The following EPB41L2 variants were observed in gnomAD, a reference collection of about 807,000 sequenced individuals.
EPB41L2 encodes the protein erythrocyte membrane protein band 4.1 like 2.
In EPB41L2, 43 loss-of-function variants were observed where a neutral mutation model predicts 113.0. The ratio of observed to expected loss-of-function variants is 0.38; its 90% confidence interval spans 0.30 to 0.49. EPB41L2 has a LOEUF of 0.49. EPB41L2 is among the 20% of genes least tolerant of loss of function. The pLI, the probability that EPB41L2 is intolerant of heterozygous loss-of-function variation, is 0.95. For missense variants in EPB41L2, 1,147 were observed against 1,223.4 expected, an observed-to-expected ratio of 0.94 and a Z score of 0.93; for synonymous variants, 442 against 436.7, an observed-to-expected ratio of 1.01 and a Z score of -0.15.
At chr6:130,962,001 T>C (rs1248015865) in intron 1 of EPB41L2, among the ~76,000 whole-genome samples, 2 of 152,194 alleles carry the variant, frequency 1.3e-5, no homozygotes, top group East Asian at 3.8e-4. Context: ...CGGATAAAAC[T>C]AGTTTTCATC....
chr6:130,975,629 T>G (rs1472055767), intron 1 of EPB41L2, among the ~76,000 whole-genome samples: 3 of 152,206 alleles, frequency 2.0e-5, no homozygotes, highest in Non-Finnish European at 4.4e-5. Flanking sequence ...AGCCCCCATC[T>G]GTAAAGTGAT....
chr6:130,865,506 C>T, intron 17 of EPB41L2, 30 bp downstream of exon 17: 1 of 1,594,918 alleles, frequency 6.3e-7, no homozygotes, highest in Non-Finnish European at 8.6e-7. Flanking sequence ...ATGTACCATC[C>T]TCTCCATATG....
Position 130,926,496 on chromosome 6 carries a change from TA to T in EPB41L2, c.810+108del, listed in dbSNP as rs1804784932. 6.2e-6 allele frequency: 5 copies of T among 800,910 alleles called. No individual in the cohort carries two copies. In the African/African-American group the frequency reaches 7.1e-5, roughly 11 times the overall value. The allele number at this position is 800,910 out of a possible 1,614,324, so 49.6% of individuals were successfully genotyped here. A position where few individuals can be genotyped will look rare whatever the true frequency, so the allele number is the denominator to read the frequency against. On this transcript the variant is annotated intron_variant, in intron 4 of 19. Coordinates refer to ENST00000337057, the MANE Select transcript of EPB41L2 (RefSeq NM_001431.4). ...TTTACCAAATTTCACAGTGAAGTCATAATAAACACCTAAGTTATTTTAAAGC... is the reference window on the plus strand; with the variant it reads ...TTTACCAAATTTCACAGTGAAGTCATATAAACACCTAAGTTATTTTAAAGC...
intron 1 of EPB41L2, among the ~76,000 whole-genome samples, chr6:131,027,168 TA>T (rs1791057004): frequency 1.3e-5 from 2 of 152,232 alleles, no homozygotes; most frequent in Admixed American, 6.5e-5. Flanking sequence ...GATAACTAAA[TA>T]TTTAAAAAGT....
chr6:130,946,078 A>G (rs1812704186), intron 3 of EPB41L2, among the ~76,000 whole-genome samples: 2 of 152,192 alleles, frequency 1.3e-5, no homozygotes, highest in Admixed American at 6.5e-5. Context: ...AAAATCTTCA[A>G]AGTTTTTTCG....
rs375328243 is a variant in EPB41L2 at position 130,899,475 on chromosome 6, G to C, written c.1236+16C>G. 4.2e-5 allele frequency: 68 copies of C among 1,606,390 alleles called. No individual in the cohort carries two copies. The highest frequency in any genetic ancestry group is 5.3e-5 in the Non-Finnish European group (62 of 1,173,372). On this transcript the variant is annotated intron_variant, in intron 8 of 19. Transcript: ENST00000337057. ...ACAGACTACTATGATGCTACTCCCCGTTACATTTACAGTACCTTGGCATGA... is the reference window on the plus strand; with the variant it reads ...ACAGACTACTATGATGCTACTCCCCCTTACATTTACAGTACCTTGGCATGA...
At chr6:130,846,873 G>A (rs1412110949) in intron 19 of EPB41L2, among the ~76,000 whole-genome samples, 9 of 152,166 alleles carry the variant, frequency 5.9e-5, no homozygotes, top group African/African-American at 1.9e-4. Context: ...ATGTTCCTAT[G>A]ATATTTTACT....
intron 14 of EPB41L2, among the ~76,000 whole-genome samples, chr6:130,873,632 A>G (rs1456603748): frequency 6.6e-6 from 1 of 152,074 alleles, no homozygotes; most frequent in Non-Finnish European, 1.5e-5. Flanking sequence ...TGCCCAGCTA[A>G]TTTTTATATT....
At chr6:130,888,278 C>T (rs1583098086) in intron 11 of EPB41L2, among the ~76,000 whole-genome samples, 1 of 152,248 alleles carries the variant, frequency 6.6e-6, no homozygotes, top group East Asian at 1.9e-4. Context: ...CGTTAAAAGC[C>T]TCCTATTTTT....
At chr6:130,940,044 T>C (rs1043570763) in intron 3 of EPB41L2, among the ~76,000 whole-genome samples, 1 of 152,136 alleles carries the variant, frequency 6.6e-6, no homozygotes, top group Admixed American at 6.5e-5. Flanking sequence ...AAAGCAAAAT[T>C]AGGATAAGCA....
chr6:130,910,053 A>C (rs1264986229), intron 4 of EPB41L2, among the ~76,000 whole-genome samples: 3 of 152,232 alleles, frequency 2.0e-5, no homozygotes, highest in Non-Finnish European at 2.9e-5. Flanking sequence ...GGAACCAAAA[A>C]GGAGCCCATA....
At chr6:130,937,619 G>A (rs929178944) in intron 3 of EPB41L2, among the ~76,000 whole-genome samples, 1 of 152,192 alleles carries the variant, frequency 6.6e-6, no homozygotes, top group Non-Finnish European at 1.5e-5. Flanking sequence ...AGGAGTTCAA[G>A]ACCAGCCTGG....
intron 1 of EPB41L2, among the ~76,000 whole-genome samples, chr6:131,017,174 T>C (rs1788430453): frequency 6.6e-6 from 1 of 152,228 alleles, no homozygotes; most frequent in Non-Finnish European, 1.5e-5. Context: ...ATAAAGTTAT[T>C]AGAATACTTA....
At chr6:130,862,310 G>A (rs1204417317) in intron 18 of EPB41L2, among the ~76,000 whole-genome samples, 2 of 152,082 alleles carry the variant, frequency 1.3e-5, no homozygotes, top group East Asian at 1.9e-4. Context: ...GAGGGGGGTG[G>A]AAGAAACAAT....
intron 3 of EPB41L2, among the ~76,000 whole-genome samples, chr6:130,935,993 T>G (rs1404575421): frequency 1.3e-5 from 2 of 152,204 alleles, no homozygotes; most frequent in African/African-American, 4.8e-5. Context: ...AAAACCATAT[T>G]TGATGACATG....
At chr6:130,951,401 T>G (rs1815028226) in intron 3 of EPB41L2, among the ~76,000 whole-genome samples, 1 of 136,722 alleles carries the variant, frequency 7.3e-6, no homozygotes, top group Non-Finnish European at 1.5e-5. Flanking sequence ...CTTGGCTCAC[T>G]GCAACCTCTG....
At chr6:130,880,673 G>A (rs955045828) in intron 12 of EPB41L2, 19 of 416,152 alleles carry the variant, frequency 4.6e-5, no homozygotes, top group Non-Finnish European at 1.7e-5. Context: ...AGTGTTGTAC[G>A]AATGATGGAA....
At chr6:130,884,940 G>A (rs549060354) in intron 12 of EPB41L2, among the ~76,000 whole-genome samples, 156 bp downstream of exon 12, 8 of 152,230 alleles carry the variant, frequency 5.3e-5, no homozygotes, top group African/African-American at 1.9e-4. Flanking sequence ...ACAATCAAAG[G>A]TTAGAGACCA....
chr6:131,018,663 C>T (rs940041623), intron 1 of EPB41L2, among the ~76,000 whole-genome samples: 1 of 152,250 alleles, frequency 6.6e-6, no homozygotes, highest in Admixed American at 6.5e-5. Context: ...TGGCTTCTTG[C>T]CTTTAAGTCT....
Sources: gnomAD v4.1 joint callset for allele counts (sites outside exome capture counted in the v4.1 genomes callset) on GRCh38, gnomAD v4.1.1 for gene constraint, MANE v1.5 for transcripts, NCBI Gene and HGNC (gene_info 2026-07-23, HGNC 2026-07-21) for gene names.